The following GABRG3 variants were observed in gnomAD, a reference collection of about 807,000 sequenced individuals.
The protein encoded by GABRG3 is gamma-aminobutyric acid type A receptor subunit gamma3, also known as gamma-aminobutyric acid receptor subunit gamma-3.
Under a neutral mutation model 48.8 loss-of-function variants are expected in GABRG3, and 25 were observed. That is an observed-to-expected ratio of 0.51 (90% confidence interval 0.37 to 0.72). The LOEUF is 0.72. Among genes scored for constraint, GABRG3 ranks in the 30% least tolerant of loss-of-function variants. The pLI is 0.00. For synonymous variants in GABRG3, 227 were observed against 217.6 expected (o/e 1.04, Z -0.38); for missense variants, 394 against 577.9 (o/e 0.68, Z 3.26).
chr15:27,535,576 A>G lies in GABRG3; in HGVS notation c.*2695A>G, dbSNP rs992023708. Reference sequence around the variant, plus strand: ...CAATGGATTTCACTAACTGAGCATCATAGTGTGGATTCCTGCATATACAGC... The same window carrying G: ...CAATGGATTTCACTAACTGAGCATCGTAGTGTGGATTCCTGCATATACAGC... On this transcript the variant is annotated 3_prime_UTR_variant, in exon 10 of 10. Coordinates refer to ENST00000615808, the MANE Select transcript of GABRG3 (RefSeq NM_033223.5). The G allele has an allele frequency of 3.3e-5, 5 of 152,236 alleles. No homozygotes were observed. Among genetic ancestry groups the G allele is most frequent in the South Asian group, 4.1e-4 (2 of 4,830 alleles). 9.4% of individuals were successfully genotyped at this position (152,236 alleles called of 1,614,324 possible).
At chr15:27,048,181 G>A (rs1295782849) in intron 3 of GABRG3, among the ~76,000 whole-genome samples, 1 of 152,130 alleles carries the variant, frequency 6.6e-6, no homozygotes, top group African/African-American at 2.4e-5. Flanking sequence ...GCACCCCACT[G>A]CCCTGGGAGC....
intron 5 of GABRG3, among the ~76,000 whole-genome samples, chr15:27,393,592 T>G (rs1369555458): frequency 6.6e-6 from 1 of 152,228 alleles, no homozygotes; most frequent in Non-Finnish European, 1.5e-5. Context: ...CCTCCCTTGT[T>G]TATCTGTAAA....
At chr15:27,499,401 A>G (rs948783478) in intron 6 of GABRG3, among the ~76,000 whole-genome samples, 1 of 152,144 alleles carries the variant, frequency 6.6e-6, no homozygotes, top group African/African-American at 2.4e-5. Context: ...AGCAAGACAA[A>G]TCACTAACTA....
intron 3 of GABRG3, among the ~76,000 whole-genome samples, chr15:27,270,929 T>C (rs1380875109): frequency 6.6e-6 from 1 of 152,056 alleles, no homozygotes; most frequent in East Asian, 1.9e-4. Flanking sequence ...GACCAAACAT[T>C]ATAAGGGGAA....
At chr15:27,083,339 C>G (rs575866326) in intron 3 of GABRG3, among the ~76,000 whole-genome samples, 1 of 129,950 alleles carries the variant, frequency 7.7e-6, no homozygotes, top group African/African-American at 3.2e-5. Flanking sequence ...AAAGTAAGAG[C>G]TATTGATTTT....
At chr15:27,333,536 T>G (rs2140523079) in intron 5 of GABRG3, among the ~76,000 whole-genome samples, 1 of 152,288 alleles carries the variant, frequency 6.6e-6, no homozygotes, top group Admixed American at 6.5e-5. Context: ...CCTGTGTGAT[T>G]AGGTTGGGCT....
intron 3 of GABRG3, among the ~76,000 whole-genome samples, chr15:27,166,771 A>G (rs1191274310): frequency 6.6e-6 from 1 of 152,222 alleles, no homozygotes; most frequent in Non-Finnish European, 1.5e-5. Context: ...AATTTTACCC[A>G]GTGCAGCAAA....
intron 6 of GABRG3, chr15:27,482,954 A>C (rs778172649): frequency 7.2e-5 from 11 of 152,252 alleles, no homozygotes; most frequent in Non-Finnish European, 1.2e-4. Flanking sequence ...AGCTGCATTT[A>C]TTTGACTGGA....
intron 6 of GABRG3, among the ~76,000 whole-genome samples, chr15:27,502,918 T>C (rs4313766): frequency 0.13 from 19,409 of 152,230 alleles, 2,400 homozygotes; most frequent in African/African-American, 0.32. Context: ...TTCTCGTTCC[T>C]GTTCCTGCCA....
At chr15:27,394,771 A>T (rs1003875651) in intron 5 of GABRG3, among the ~76,000 whole-genome samples, 1 of 152,160 alleles carries the variant, frequency 6.6e-6, no homozygotes, top group African/African-American at 2.4e-5. Flanking sequence ...TAAATATATC[A>T]TCCCATTGCC....
chr15:27,347,475 C>T (rs1318462657), intron 5 of GABRG3, among the ~76,000 whole-genome samples: 1 of 152,112 alleles, frequency 6.6e-6, no homozygotes, highest in African/African-American at 2.4e-5. Flanking sequence ...GCTTACTATG[C>T]CCACTCCCTT....
intron 2 of GABRG3, among the ~76,000 whole-genome samples, chr15:26,977,929 C>T (rs539352109): frequency 1.3e-3 from 202 of 152,292 alleles, no homozygotes; most frequent in Non-Finnish European, 2.0e-3. Context: ...CACTATTTTT[C>T]GTTTCCCCCA....
chr15:27,398,681 C>G (rs1017408942), intron 5 of GABRG3, among the ~76,000 whole-genome samples: 8 of 152,064 alleles, frequency 5.3e-5, no homozygotes, highest in Admixed American at 5.2e-4. Flanking sequence ...CACACACACA[C>G]ACACACACCC....
intron 5 of GABRG3, among the ~76,000 whole-genome samples, chr15:27,334,528 T>A (rs1321803363): frequency 1.3e-5 from 2 of 152,222 alleles, no homozygotes; most frequent in Non-Finnish European, 2.9e-5. Flanking sequence ...GACTCTTTAT[T>A]GTGCAATGTT....
intron 2 of GABRG3, among the ~76,000 whole-genome samples, chr15:26,981,525 A>G (rs1475910713): frequency 1.3e-5 from 2 of 152,212 alleles, no homozygotes; most frequent in African/African-American, 2.4e-5. Context: ...GTCCAGTTCT[A>G]TATCCTTGCC....
chr15:27,312,931 A>C (rs1022078405), intron 3 of GABRG3, among the ~76,000 whole-genome samples: 2 of 151,690 alleles, frequency 1.3e-5, no homozygotes, highest in African/African-American at 4.8e-5. Context: ...GTTAAAAAAA[A>C]GTATAAAATA....
intron 3 of GABRG3, among the ~76,000 whole-genome samples, chr15:27,086,116 GT>G (rs5811477): frequency 0.017 from 2,374 of 139,408 alleles, 20 homozygotes; most frequent in African/African-American, 0.032. Flanking sequence ...AGTTTTGGCA[GT>G]TTTTTTTTTT....
At chr15:27,103,912 C>T (rs1433715281) in intron 3 of GABRG3, among the ~76,000 whole-genome samples, 2 of 152,192 alleles carry the variant, frequency 1.3e-5, no homozygotes, top group Non-Finnish European at 2.9e-5. Flanking sequence ...CTTGTAAATG[C>T]TCTTTTGACA....
chr15:27,285,265 GT>G (rs1351849646), intron 3 of GABRG3, among the ~76,000 whole-genome samples: 8 of 97,310 alleles, frequency 8.2e-5, no homozygotes, highest in African/African-American at 8.6e-5. Flanking sequence ...GTGTGTGTGT[GT>G]GTGTGTGTGT....
Sources: gnomAD v4.1 joint callset for allele counts (sites outside exome capture counted in the v4.1 genomes callset) on GRCh38, gnomAD v4.1.1 for gene constraint, MANE v1.5 for transcripts, NCBI Gene and HGNC (gene_info 2026-07-23, HGNC 2026-07-21) for gene names.